SLC9C1: variants seen among roughly 807,000 people sequenced by gnomAD.
The protein encoded by SLC9C1 is sodium/hydrogen exchanger 10.
Under a neutral mutation model 140.9 loss-of-function variants are expected in SLC9C1, and 97 were observed. That is an observed-to-expected ratio of 0.69 (90% CI 0.58 to 0.82). The LOEUF (loss-of-function observed/expected upper bound fraction) is 0.82. SLC9C1 is among the 40% of genes least tolerant of loss of function. The probability of loss-of-function intolerance (pLI) is 0.00; values close to 1 mark genes in which losing one functional copy is unlikely to be tolerated. For missense variants in SLC9C1, 1,340 were observed against 1,389.3 expected (o/e 0.96, Z 0.56); for synonymous variants, 440 against 442.6 (o/e 0.99, Z 0.07).
intron 2 of SLC9C1, among the ~76,000 whole-genome samples, chr3:112,283,477 TAA>T (rs200690332): frequency 3.0e-4 from 24 of 80,528 alleles, no homozygotes; most frequent in Admixed American, 4.5e-4. Flanking sequence ...ACCCTATCTC[TAA>T]AAAAAAAAAA....
At chr3:112,247,931 T>TAGAC (rs148859847) in intron 10 of SLC9C1, among the ~76,000 whole-genome samples, 1 of 26,300 alleles carries the variant, frequency 3.8e-5, no homozygotes, top group Non-Finnish European at 1.0e-4. Flanking sequence ...CTGTTGATAT[T>TAGAC]ACTTAGTCAT....
chr3:112,192,868 T>C (rs1034419603), intron 20 of SLC9C1, among the ~76,000 whole-genome samples: 1 of 152,218 alleles, frequency 6.6e-6, no homozygotes, highest in Non-Finnish European at 1.5e-5. Flanking sequence ...GTTATTGTGT[T>C]CCCCTGGAAG....
intron 16 of SLC9C1, 50 bp from the exon 17 acceptor site, chr3:112,204,453 T>C: frequency 6.6e-7 from 1 of 1,509,068 alleles, no homozygotes; most frequent in Non-Finnish European, 8.8e-7. Context: ...CTGCTTTTAC[T>C]ACACCATTTT....
Position 112,221,245 on chromosome 3 carries a change from A to G in SLC9C1, c.1573-20T>C. ...GCTTGCCTAAAAAAATATTAATTCAAGTCATTATATAGCATGAATAACGAT... is the reference window on the plus strand; with the variant it reads ...GCTTGCCTAAAAAAATATTAATTCAGGTCATTATATAGCATGAATAACGAT... On this transcript the variant is annotated intron_variant, in intron 13 of 28. Transcript: ENST00000305815. 1 of 1,591,576 alleles carries G rather than the reference A, an allele frequency of 6.3e-7. No homozygotes were observed. The highest frequency in any genetic ancestry group is 1.3e-5 in the African/African-American group (1 of 74,558).
chr3:112,283,635 T>G (rs2080421217), intron 2 of SLC9C1, among the ~76,000 whole-genome samples: 1 of 152,154 alleles, frequency 6.6e-6, no homozygotes, highest in Admixed American at 6.6e-5. Context: ...TAAATTGGAT[T>G]AAAAGTTTTG....
At chr3:112,189,769 GAA>G (rs1444375717) in intron 20 of SLC9C1, among the ~76,000 whole-genome samples, 1 of 152,214 alleles carries the variant, frequency 6.6e-6, no homozygotes, top group Non-Finnish European at 1.5e-5. Context: ...ATTCTGTGAA[GAA>G]AGTTATTGGT....
intron 23 of SLC9C1, among the ~76,000 whole-genome samples, chr3:112,174,541 C>T (rs1016385022): frequency 1.3e-5 from 2 of 152,160 alleles, no homozygotes; most frequent in African/African-American, 2.4e-5. Flanking sequence ...TCTCCCTGGG[C>T]AACCTCTGTG....
chr3:112,185,716 A>T lies in SLC9C1; in HGVS notation c.2524-3458T>A, dbSNP rs371655326. The T allele has an allele frequency of 7.1e-5, 110 of 1,540,362 alleles. 2 individuals are homozygous for T. In the South Asian group the frequency reaches 1.3e-3, roughly 18 times the overall value. On this transcript the variant is annotated intron_variant, in intron 20 of 28. Coordinates refer to ENST00000305815, the MANE Select transcript of SLC9C1 (RefSeq NM_183061.3). Reference sequence around the variant, plus strand: ...TCGTGCCACCACTTGAGCTCCTCGGACACGGCGGCCTTGCTGAGCCCCCGG... The same window carrying T: ...TCGTGCCACCACTTGAGCTCCTCGGTCACGGCGGCCTTGCTGAGCCCCCGG...
chr3:112,268,413 A>G (rs1292850520), intron 7 of SLC9C1, among the ~76,000 whole-genome samples: 2 of 152,200 alleles, frequency 1.3e-5, no homozygotes, highest in African/African-American at 4.8e-5. Context: ...CTATGCTTCA[A>G]TTTATTCAAA....
At chr3:112,232,716 A>C (rs1388160811) in intron 12 of SLC9C1, among the ~76,000 whole-genome samples, 1 of 152,150 alleles carries the variant, frequency 6.6e-6, no homozygotes, top group Admixed American at 6.6e-5. Flanking sequence ...GGAAAAGTGC[A>C]GCAGCTGTGA....
chr3:112,223,338 C>A (rs919346831), intron 13 of SLC9C1, among the ~76,000 whole-genome samples: 1 of 151,998 alleles, frequency 6.6e-6, no homozygotes, highest in East Asian at 1.9e-4. Flanking sequence ...AAAGAGATTT[C>A]AGAACATTGA....
rs771196135 is a variant in SLC9C1, at chr3:112,239,996, A to G, written c.1290T>C (p.Asp430=). 7 of 1,611,330 alleles carry G rather than the reference A, an allele frequency of 4.3e-6. No homozygotes were observed. Among genetic ancestry groups the G allele is most frequent in the East Asian group, 2.2e-5 (1 of 44,806 alleles). Residue 430 remains aspartate (D), a synonymous_variant, in exon 12 of 29, where the codon GAT becomes GAC. Transcript: ENST00000305815. Reference sequence around the variant, plus strand: ...CCGATTTATATTTTGTTGATGTGGCATCACGAAGACCTTTGATACAAACAC... The same window carrying G: ...CCGATTTATATTTTGTTGATGTGGCGTCACGAAGACCTTTGATACAAACAC... ...PVAVTILGLR[D]ATSTKYKSVC... is the part of the protein sequence containing the mutation.
intron 10 of SLC9C1, among the ~76,000 whole-genome samples, chr3:112,258,755 C>T (rs915034431): frequency 7.9e-5 from 12 of 152,052 alleles, no homozygotes; most frequent in Non-Finnish European, 1.6e-4. Flanking sequence ...CCACCATACC[C>T]AGCCAGACTG....
At chr3:112,248,172 A>T (rs896947180) in intron 10 of SLC9C1, among the ~76,000 whole-genome samples, 1 of 152,138 alleles carries the variant, frequency 6.6e-6, no homozygotes, top group African/African-American at 2.4e-5. Flanking sequence ...AGTCAACAAG[A>T]AACTAAAGCC....
intron 20 of SLC9C1, among the ~76,000 whole-genome samples, chr3:112,191,039 C>T (rs1259614594): frequency 6.6e-6 from 1 of 151,304 alleles, no homozygotes; most frequent in Non-Finnish European, 1.5e-5. Flanking sequence ...TTCTGTATTT[C>T]ATTATAACAT....
chr3:112,163,468 T>C (rs1274250203), intron 26 of SLC9C1, among the ~76,000 whole-genome samples: 2 of 151,482 alleles, frequency 1.3e-5, no homozygotes, highest in African/African-American at 4.8e-5. Flanking sequence ...TCTGGTATGT[T>C]GTCTCTTTGT....
At chr3:112,210,780 A>C (rs1244656309) in intron 15 of SLC9C1, among the ~76,000 whole-genome samples, 1 of 152,172 alleles carries the variant, frequency 6.6e-6, no homozygotes, top group Non-Finnish European at 1.5e-5. Flanking sequence ...GTAGCTATTT[A>C]TGCCCTGTGA....
chr3:112,209,343 T>C (rs2078139905), intron 15 of SLC9C1, among the ~76,000 whole-genome samples: 1 of 152,328 alleles, frequency 6.6e-6, no homozygotes, highest in South Asian at 2.1e-4. Flanking sequence ...AACTTTGTGA[T>C]AACCTCTCTG....
At chr3:112,209,284 G>T (rs1322382738) in intron 15 of SLC9C1, among the ~76,000 whole-genome samples, 1 of 152,110 alleles carries the variant, frequency 6.6e-6, no homozygotes, top group African/African-American at 2.4e-5. Context: ...GCCCTCCAAG[G>T]CCTCTGGCAG....
Sources: allele counts gnomAD v4.1 joint callset (sites outside exome capture counted in the v4.1 genomes callset), GRCh38; gene constraint gnomAD v4.1.1; transcripts MANE v1.5; gene names NCBI Gene and HGNC (gene_info 2026-07-23, HGNC 2026-07-21).